The following GARIN2 variants were observed in gnomAD, a reference collection of about 807,000 sequenced individuals.
GARIN2 encodes Golgi-associated RAB2 interactor protein 2.
the GARIN2 span, among the ~76,000 whole-genome samples, chr14:67,190,068 A>ATTTTTTTTTTTTTTT: frequency 8.7e-6 from 1 of 115,448 alleles, no homozygotes. Context: ...TGCCCAGCTA[A>ATTTTTTTTTTTTTTT]TTTTTTTTTT....
At chr14:67,207,480 T>G in the GARIN2 span, among the ~76,000 whole-genome samples, 1 of 151,692 alleles carries the variant, frequency 6.6e-6, no homozygotes, top group South Asian at 2.1e-4. Flanking sequence ...CACCTCCCAC[T>G]AGGCCCACTT....
At chr14:67,224,711 A>T in the GARIN2 span, 1 of 295,982 alleles carries the variant, frequency 3.4e-6, no homozygotes, top group African/African-American at 2.3e-5. Flanking sequence ...CAAAGGATAG[A>T]GATTCAAGAA....
chr14:67,222,268 A>G, the GARIN2 span, among the ~76,000 whole-genome samples: 1 of 152,058 alleles, frequency 6.6e-6, no homozygotes, highest in Admixed American at 6.6e-5. Context: ...CTACCAGGTG[A>G]TACTATTTAA....
chr14:67,197,386 C>T, the GARIN2 span: 1 of 152,148 alleles, frequency 6.6e-6, no homozygotes, highest in South Asian at 2.1e-4. Flanking sequence ...TACAGATAAA[C>T]CATGTGGGCT....
chr14:67,199,054 C>T, the GARIN2 span: 2 of 783,918 alleles, frequency 2.6e-6, no homozygotes, highest in East Asian at 2.6e-5. Context: ...GGCAGGAGCT[C>T]TTTTGCCATG....
At chr14:67,192,027 G>A in the GARIN2 span, among the ~76,000 whole-genome samples, 1 of 152,156 alleles carries the variant, frequency 6.6e-6, no homozygotes, top group African/African-American at 2.4e-5. Flanking sequence ...AACAGAGACC[G>A]CAAGGGATCA....
At chr14:67,221,652 T>C in the GARIN2 span, 1 of 1,441,858 alleles carries the variant, frequency 6.9e-7, no homozygotes, top group Non-Finnish European at 9.4e-7. Flanking sequence ...CTAGGTTTGC[T>C]AAACGTGTTT....
At chr14:67,213,462 A>G in the GARIN2 span, among the ~76,000 whole-genome samples, 5 of 148,808 alleles carry the variant, frequency 3.4e-5, no homozygotes, top group South Asian at 2.2e-4. Flanking sequence ...ATGATTTCCA[A>G]TTTCATCCAT....
At chr14:67,225,293 G>GGAAT in the GARIN2 span, 3 of 1,415,496 alleles carry the variant, frequency 2.1e-6, no homozygotes, top group African/African-American at 4.4e-5. Context: ...AGTCTCTATA[G>GGAAT]GAATACATGA....
the GARIN2 span, among the ~76,000 whole-genome samples, chr14:67,191,675 A>T: frequency 6.6e-6 from 1 of 152,208 alleles, no homozygotes; most frequent in South Asian, 2.1e-4. Context: ...AGCCTTGATC[A>T]TCCTTGAAAC....
chr14:67,204,041 T>C, the GARIN2 span, among the ~76,000 whole-genome samples: 1 of 152,050 alleles, frequency 6.6e-6, no homozygotes, highest in Admixed American at 6.6e-5. Flanking sequence ...ATCAGAGCCT[T>C]AGGCATATGA....
At chr14:67,193,531 C>A in the GARIN2 span, among the ~76,000 whole-genome samples, 6,195 of 138,406 alleles carry the variant, frequency 0.045, 149 homozygotes, top group Middle Eastern at 0.052. Flanking sequence ...AGATATAGAT[C>A]TATAGAAATA....
the GARIN2 span, chr14:67,223,853 C>CT: frequency 4.6e-5 from 45 of 985,782 alleles, no homozygotes; most frequent in East Asian, 4.5e-3. Flanking sequence ...TTTACTCTCA[C>CT]TTAACACCCT....
At chr14:67,200,546 T>C in the GARIN2 span, 1 of 237,226 alleles carries the variant, frequency 4.2e-6, no homozygotes, top group Non-Finnish European at 7.9e-6. Flanking sequence ...ACTAAACTCC[T>C]TGTTTAAAAA....
chr14:67,203,180 G>T, the GARIN2 span: 1 of 1,613,932 alleles, frequency 6.2e-7, no homozygotes, highest in Non-Finnish European at 8.5e-7. Context: ...CCACCCACAA[G>T]ATCCCCAATG....
At chr14:67,195,927 G>A in the GARIN2 span, among the ~76,000 whole-genome samples, 1 of 152,094 alleles carries the variant, frequency 6.6e-6, no homozygotes, top group African/African-American at 2.4e-5. Context: ...TGAGACTACA[G>A]GTGCATGCCA....
the GARIN2 span, among the ~76,000 whole-genome samples, chr14:67,192,892 A>G: frequency 6.1e-4 from 90 of 146,424 alleles, 2 homozygotes; most frequent in African/African-American, 2.2e-3. Context: ...ATATCTAGAT[A>G]TCGATATCTA....
At chr14:67,193,221 TATATATCTCTATATA>T in the GARIN2 span, among the ~76,000 whole-genome samples, 1 of 139,492 alleles carries the variant, frequency 7.2e-6, no homozygotes, top group Non-Finnish European at 1.6e-5. Context: ...GACATCTATC[TATATATCTCTATATA>T]GACATCTATC....
At chr14:67,204,795 G>A in the GARIN2 span, 11 of 1,613,780 alleles carry the variant, frequency 6.8e-6, no homozygotes, top group Middle Eastern at 1.6e-4. Context: ...TGGATGTGAC[G>A]GATGTCACCA....
Sources: allele counts gnomAD v4.1 joint callset (sites outside exome capture counted in the v4.1 genomes callset), GRCh38; gene constraint gnomAD v4.1.1; transcripts MANE v1.5; gene names NCBI Gene and HGNC (gene_info 2026-07-23, HGNC 2026-07-21).